The following BPHL variants were observed in gnomAD, a reference collection of about 807,000 sequenced individuals.
BPHL encodes biphenyl hydrolase like.
In BPHL, 27 loss-of-function variants were observed where a neutral mutation model predicts 31.2. The ratio of observed to expected loss-of-function variants is 0.87; its 90% CI spans 0.64 to 1.19. The LOEUF (loss-of-function observed/expected upper bound fraction) is 1.19. Ranked by LOEUF, BPHL falls within the 50% of genes most tolerant of loss-of-function variation. The pLI, the probability that BPHL is intolerant of heterozygous loss-of-function variation, is 0.00. For missense variants in BPHL, 356 were observed against 375.7 expected (o/e 0.95, Z 0.43); for synonymous variants, 150 against 146.8 (o/e 1.02, Z -0.16).
At chr6:3,121,520 G>C (rs1761575305) in intron 1 of BPHL, among the ~76,000 whole-genome samples, 1 of 152,004 alleles carries the variant, frequency 6.6e-6, no homozygotes, top group African/African-American at 2.4e-5. Flanking sequence ...GGGCAGGATG[G>C]TCTTGATCTC....
intron 1 of BPHL, among the ~76,000 whole-genome samples, chr6:3,120,936 A>G (rs564758943): frequency 1.3e-5 from 2 of 152,226 alleles, no homozygotes; most frequent in South Asian, 4.1e-4. Flanking sequence ...TTCAGCCATG[A>G]GGTTAGAGAG....
At chr6:3,150,774 C>A (rs566625376) in intron 6 of BPHL, among the ~76,000 whole-genome samples, 1 of 152,282 alleles carries the variant, frequency 6.6e-6, no homozygotes, top group South Asian at 2.1e-4. Flanking sequence ...TGCAGTGAAA[C>A]CTGTGTCAGA....
intron 5 of BPHL, chr6:3,138,028 C>CTT: frequency 1.7e-5 from 19 of 1,122,136 alleles, no homozygotes; most frequent in Non-Finnish European, 2.2e-5. Context: ...GTCTCCTATT[C>CTT]TTTTTTTTTT....
At chr6:3,133,085 C>T (rs760176433) in intron 4 of BPHL, among the ~76,000 whole-genome samples, 1 of 152,154 alleles carries the variant, frequency 6.6e-6, no homozygotes, top group South Asian at 2.1e-4. Context: ...TTATTGAGTG[C>T]CTGCCGTGAG....
intron 6 of BPHL, among the ~76,000 whole-genome samples, chr6:3,148,411 G>A (rs1762435833): frequency 6.6e-6 from 1 of 152,378 alleles, no homozygotes; most frequent in South Asian, 2.1e-4. Context: ...GGAGTGAAAT[G>A]AATTGGCTTA....
At chr6:3,139,394 G>A (rs902186080) in intron 5 of BPHL, 2 of 152,208 alleles carry the variant, frequency 1.3e-5, no homozygotes, top group Admixed American at 6.5e-5. Context: ...TGATCATCAC[G>A]TGATGATGCA....
rs1235463223 is a variant in BPHL at position 3,137,415 on chromosome 6, C to T, written c.586C>T (p.Leu196Phe). Residue 196 changes from leucine to phenylalanine, a missense_variant, in exon 5 of 7, where the codon CTC becomes TTC. Transcript: ENST00000380379. Reference protein sequence around the residue: ...SERTRKPLEALYGYDYFARTC... With the variant: ...SERTRKPLEAFYGYDYFARTC... ...GAGAACAAGAAAGCCTCTAGAAGCCCTCTATGGGTATGACTACTTTGCCAG... is the reference window on the plus strand; with the variant it reads ...GAGAACAAGAAAGCCTCTAGAAGCCTTCTATGGGTATGACTACTTTGCCAG... The T allele has an allele frequency of 1.3e-5, 21 of 1,612,608 alleles. No homozygotes were observed. The highest frequency in any genetic ancestry group is 2.7e-5 in the African/African-American group (2 of 74,332).
intron 6 of BPHL, among the ~76,000 whole-genome samples, chr6:3,141,065 A>G (rs372929069): frequency 1.3e-5 from 2 of 152,264 alleles, no homozygotes; most frequent in African/African-American, 4.8e-5. Context: ...ATTTAACAAC[A>G]GATTTCTCAG....
intron 6 of BPHL, among the ~76,000 whole-genome samples, chr6:3,148,263 G>A (rs764827944): frequency 9.8e-5 from 15 of 152,300 alleles, no homozygotes; most frequent in African/African-American, 3.1e-4. Flanking sequence ...CAGTGGGCTA[G>A]TTACTCTCCT....
At position 3,153,030 on chromosome 6, in the gene BPHL, A is replaced by C. The variant is rs1389890808; in HGVS notation, c.*455A>C. 1 of 152,170 alleles carries C rather than the reference A, an allele frequency of 6.6e-6. No homozygotes were observed. Among genetic ancestry groups the C allele is most frequent in the African/African-American group, 2.4e-5 (1 of 41,380 alleles). The allele number at this position is 152,170 out of a possible 1,614,324, so 9.4% of individuals were successfully genotyped here. On this transcript the variant is annotated 3_prime_UTR_variant, in exon 7 of 7. Coordinates refer to ENST00000380379, the MANE Select transcript of BPHL (RefSeq NM_004332.4). The stretch of plus-strand genomic sequence containing the variant: ...GGCAACAGAGTAAGACCTTGTCTTA[A>C]AAAAAAATAAAAACATAAAAAAAAA...
chr6:3,138,628 A>G (rs1762078979), intron 5 of BPHL: 1 of 152,474 alleles, frequency 6.6e-6, no homozygotes, highest in South Asian at 2.1e-4. Flanking sequence ...AAAACAGCAA[A>G]TATATCAAAT....
chr6:3,118,518 G>T, upstream of BPHL: 1 of 377,802 alleles, frequency 2.6e-6, no homozygotes, highest in Non-Finnish European at 4.7e-6. Context: ...CGGTCTACGC[G>T]GGTGCCGGCG....
chr6:3,120,423 C>T (rs932209375), intron 1 of BPHL, among the ~76,000 whole-genome samples: 12 of 152,162 alleles, frequency 7.9e-5, no homozygotes, highest in East Asian at 3.8e-4. Context: ...TAAAATATCT[C>T]TGAAGAAACA....
At chr6:3,146,889 G>T (rs1762400461) in intron 6 of BPHL, among the ~76,000 whole-genome samples, 2 of 152,118 alleles carry the variant, frequency 1.3e-5, no homozygotes, top group Admixed American at 6.5e-5. Flanking sequence ...TTGGGCGAGT[G>T]CTGGTTCGGG....
intron 6 of BPHL, among the ~76,000 whole-genome samples, chr6:3,146,747 T>G (rs1581488380): frequency 7.2e-6 from 1 of 139,192 alleles, no homozygotes; most frequent in Non-Finnish European, 1.5e-5. Flanking sequence ...TGGGTCGGAG[T>G]GCTGGTTTGG....
chr6:3,119,455 A>T (rs1264550608), intron 1 of BPHL: 1 of 1,613,024 alleles, frequency 6.2e-7, no homozygotes, highest in South Asian at 1.1e-5. Flanking sequence ...ACATGTGTGG[A>T]GATGCCCAGG....
chr6:3,122,136 C>G (rs1380777875), intron 1 of BPHL, among the ~76,000 whole-genome samples: 2 of 151,970 alleles, frequency 1.3e-5, no homozygotes, highest in Non-Finnish European at 2.9e-5. Flanking sequence ...AAAAATTAGC[C>G]GGGCGTGGTG....
At chr6:3,126,245 TAA>T (rs199841590) in intron 2 of BPHL, among the ~76,000 whole-genome samples, 6 of 142,426 alleles carry the variant, frequency 4.2e-5, no homozygotes, top group African/African-American at 7.7e-5. Context: ...CTTAGCTTAG[TAA>T]AAAAAAAAAA....
chr6:3,126,755 CTTT>C (rs574990872), intron 2 of BPHL: 12 of 128,132 alleles, frequency 9.4e-5, no homozygotes, highest in Non-Finnish European at 1.0e-4. Flanking sequence ...CGCCCGGCCC[CTTT>C]TTTTTTTTTT....
Sources: gnomAD v4.1 joint callset for allele counts (sites outside exome capture counted in the v4.1 genomes callset) on GRCh38, gnomAD v4.1.1 for gene constraint, MANE v1.5 for transcripts, NCBI Gene and HGNC (gene_info 2026-07-23, HGNC 2026-07-21) for gene names.